The following THRB variants were observed in gnomAD, a reference collection of about 807,000 sequenced individuals.
THRB encodes the protein thyroid hormone receptor beta.
Under a neutral mutation model 47.8 loss-of-function variants are expected in THRB, and 12 were observed. The ratio of observed to expected loss-of-function variants is 0.25; its 90% CI spans 0.16 to 0.41. The LOEUF (loss-of-function observed/expected upper bound fraction) is 0.41. Ranked by LOEUF, THRB falls within the 10% of genes least tolerant of loss-of-function variation. THRB has a pLI of 1.00. For missense variants in THRB, 348 were observed against 589.2 expected (o/e 0.59, Z 4.24); for synonymous variants, 218 against 212.2 (o/e 1.03, Z -0.24).
rs974693451 is a variant in THRB at position 24,228,879 on chromosome 3, TCA to T, written c.22+57_22+58del. 3 of 1,476,974 alleles carry T rather than the reference TCA, an allele frequency of 2.0e-6. No individual in the cohort carries two copies. The African/African-American group carries it at 4.3e-5, about 21-fold the overall frequency. The allele number at this position is 1,476,974 out of a possible 1,614,324, so 91.5% of individuals were successfully genotyped here. A position where few individuals can be genotyped will look rare whatever the true frequency, so the allele number is the denominator to read the frequency against. On this transcript the variant is annotated intron_variant, in intron 4 of 10. Transcript: ENST00000646209. ...AGTTAATCTTTAAGAATCTATAATT[TCA>T]CTCTAGGTGGAACAAAAATGGAGGC...
intron 1 of THRB, among the ~76,000 whole-genome samples, chr3:24,367,063 C>T (rs942158413): frequency 6.6e-6 from 1 of 152,130 alleles, no homozygotes; most frequent in Non-Finnish European, 1.5e-5. Context: ...TTCATAATTC[C>T]TTCAACAAAT....
At chr3:24,283,498 GA>G (rs1349446393) in intron 3 of THRB, among the ~76,000 whole-genome samples, 1 of 151,380 alleles carries the variant, frequency 6.6e-6, no homozygotes, top group Non-Finnish European at 1.5e-5. Context: ...GCAAAAACTG[GA>G]AGCATTCCCT....
intron 1 of THRB, among the ~76,000 whole-genome samples, chr3:24,437,175 A>G (rs941771125): frequency 6.7e-6 from 1 of 148,696 alleles, no homozygotes; most frequent in Non-Finnish European, 1.5e-5. Flanking sequence ...AACGAAATGT[A>G]TATATATATA....
chr3:24,303,502 C>A (rs1458567097), intron 2 of THRB, among the ~76,000 whole-genome samples: 1 of 152,170 alleles, frequency 6.6e-6, no homozygotes, highest in Non-Finnish European at 1.5e-5. Flanking sequence ...CGTGAGCATG[C>A]CCGATTATCA....
intron 1 of THRB, among the ~76,000 whole-genome samples, chr3:24,420,411 A>C (rs1411411041): frequency 1.1e-4 from 17 of 151,914 alleles, no homozygotes; most frequent in Non-Finnish European, 1.5e-5. Context: ...TTGTTTAGTC[A>C]GTGCTGAAGT....
chr3:24,394,985 A>G (rs149896963), intron 1 of THRB, among the ~76,000 whole-genome samples: 165 of 152,260 alleles, frequency 1.1e-3, no homozygotes, highest in African/African-American at 3.8e-3. Context: ...TATTATTGGC[A>G]TAGATGCCTC....
chr3:24,438,741 C>T (rs1350828950), intron 1 of THRB, among the ~76,000 whole-genome samples: 1 of 151,996 alleles, frequency 6.6e-6, no homozygotes, highest in Non-Finnish European at 1.5e-5. Context: ...GTATCTTGGC[C>T]CTCTACCCTC....
At chr3:24,437,021 G>A (rs1416314534) in intron 1 of THRB, among the ~76,000 whole-genome samples, 5 of 151,384 alleles carry the variant, frequency 3.3e-5, no homozygotes, top group African/African-American at 1.2e-4. Context: ...AATCAAATGT[G>A]CATGGACCTG....
intron 2 of THRB, among the ~76,000 whole-genome samples, chr3:24,306,901 T>C (rs966929637): frequency 1.3e-5 from 2 of 152,186 alleles, no homozygotes; most frequent in Non-Finnish European, 2.9e-5. Flanking sequence ...GTAGGCACAC[T>C]ATTTATTAGG....
chr3:24,154,440 G>A (rs1449296504), intron 5 of THRB, among the ~76,000 whole-genome samples: 1 of 152,200 alleles, frequency 6.6e-6, no homozygotes, highest in Non-Finnish European at 1.5e-5. Flanking sequence ...CATAAGCTGA[G>A]TTCTGTTTCT....
At chr3:24,299,953 A>G (rs1244014960) in intron 2 of THRB, among the ~76,000 whole-genome samples, 2 of 151,938 alleles carry the variant, frequency 1.3e-5, no homozygotes, top group Non-Finnish European at 2.9e-5. Flanking sequence ...GCACATCCCA[A>G]CACTGACTCT....
rs114529394 is a variant in THRB, at chr3:24,376,199, A to G, written c.-260-38828T>C. 5.1e-3 allele frequency among the ~76,000 whole-genome samples: 779 copies of G among 152,338 alleles called. 5 individuals carry two copies. The highest frequency in any genetic ancestry group is 0.02 in the Middle Eastern group (6 of 294). On this transcript the variant is annotated intron_variant, in intron 1 of 10. Transcript: ENST00000646209. ...GTAAACAACTATAAACATGGACACA[A>G]ATATTTGAAGCCACAATTTTAGGCA...
intron 1 of THRB, among the ~76,000 whole-genome samples, chr3:24,482,107 T>C (rs1356475164): frequency 1.3e-5 from 2 of 152,254 alleles, no homozygotes; most frequent in East Asian, 3.8e-4. Context: ...GTCTGACTTC[T>C]GGGTCTCTCT....
At chr3:24,209,021 G>GA (rs1420193120) in intron 4 of THRB, among the ~76,000 whole-genome samples, 1 of 152,180 alleles carries the variant, frequency 6.6e-6, no homozygotes, top group East Asian at 1.9e-4. Context: ...AAAAGTGGTT[G>GA]AAGGATATGA....
At chr3:24,308,486 G>C (rs1046904594) in intron 2 of THRB, among the ~76,000 whole-genome samples, 1 of 152,180 alleles carries the variant, frequency 6.6e-6, no homozygotes, top group Non-Finnish European at 1.5e-5. Context: ...AGAGTAGGTA[G>C]CTAAATAGGC....
chr3:24,166,783 T>A (rs2039700405), intron 5 of THRB, among the ~76,000 whole-genome samples: 1 of 152,194 alleles, frequency 6.6e-6, no homozygotes, highest in South Asian at 2.1e-4. Context: ...TGTTGGTATT[T>A]GTCTCTAAAG....
chr3:24,320,084 G>A (rs543583353), intron 2 of THRB, among the ~76,000 whole-genome samples: 11 of 152,104 alleles, frequency 7.2e-5, no homozygotes, highest in Non-Finnish European at 1.6e-4. Flanking sequence ...TCATTGCTTC[G>A]GGTGCCACTT....
intron 1 of THRB, among the ~76,000 whole-genome samples, chr3:24,401,803 C>T (rs958122787): frequency 6.6e-6 from 1 of 151,924 alleles, no homozygotes; most frequent in Non-Finnish European, 1.5e-5. Context: ...GGCTCCTTGT[C>T]AGACCTACAG....
At chr3:24,480,499 T>C (rs148466857) in intron 1 of THRB, among the ~76,000 whole-genome samples, 1 of 152,342 alleles carries the variant, frequency 6.6e-6, no homozygotes, top group Non-Finnish European at 1.5e-5. Flanking sequence ...CAAATGACTC[T>C]GGAGCACAAA....
Sources: gnomAD v4.1 joint callset for allele counts (sites outside exome capture counted in the v4.1 genomes callset) on GRCh38, gnomAD v4.1.1 for gene constraint, MANE v1.5 for transcripts, NCBI Gene and HGNC (gene_info 2026-07-23, HGNC 2026-07-21) for gene names.